The following CLCN7 variants were observed in gnomAD, a reference collection of about 807,000 sequenced individuals.
CLCN7 encodes Cl-/H+ antiporter 7.
A neutral mutation model predicts 102.1 loss-of-function variants in CLCN7; 60 were observed. That is an observed-to-expected ratio of 0.59 (90% confidence interval 0.48 to 0.73). CLCN7 has a LOEUF of 0.73. CLCN7 is among the 30% of genes least tolerant of loss of function. CLCN7 has a pLI of 0.00. For synonymous variants in CLCN7, 560 were observed against 490.5 expected (o/e 1.14, Z -1.87); for missense variants, 962 against 1,125.7 (o/e 0.85, Z 2.08).
Position 1,448,932 on chromosome 16 carries a change from G to A in CLCN7, c.1797+34C>T, listed in dbSNP as rs747018809. The stretch of plus-strand genomic sequence containing the variant: ...GCCCCTCCCCTATGGCAGCACCCAC[G>A]CTCTCAGGGTGAGGCTTCGAGGCCC... On this transcript the variant is annotated intron_variant, in intron 19 of 24. Transcript: ENST00000382745. 2.5e-6 allele frequency: 4 copies of A among 1,610,530 alleles called. No individual in the cohort carries two copies. In the Admixed American group the frequency reaches 5.0e-5, roughly 20 times the overall value.
At position 1,465,346 on chromosome 16, in the gene CLCN7, C is replaced by A; in HGVS notation, c.142-8G>T. On this transcript the variant is annotated splice_polypyrimidine_tract_variant and splice_region_variant and intron_variant, in intron 1 of 24. Transcript: ENST00000382745. ...AAGCGCAGAACGTGGTGACTAAAAG[C>A]AGAAGAGAAATCATGAGGGCGCTCA... The A allele has an allele frequency of 6.2e-7, 1 of 1,612,488 alleles. No homozygotes were observed. Among genetic ancestry groups the A allele is most frequent in the East Asian group, 2.2e-5 (1 of 44,844 alleles).
Position 1,447,691 on chromosome 16 carries a change from G to A in CLCN7, c.2037C>T (p.Ile679=), listed in dbSNP as rs1485208873. 1.3e-6 allele frequency: 2 copies of A among 1,556,794 alleles called. No homozygotes were observed. Among genetic ancestry groups the A allele is most frequent in the Non-Finnish European group, 1.7e-6 (2 of 1,150,758 alleles). The change falls in exon 22 of 25, where the codon ATC becomes ATT. Residue 679 remains isoleucine (I), a synonymous_variant. Coordinates refer to ENST00000382745, the MANE Select transcript of CLCN7 (RefSeq NM_001287.6). ...GGAGAACGATGAGCTGGGAGCGCAG[G>A]ATCAGGCCCTGGAGCCGGGCAGGCT... The part of the protein sequence containing the change: ...DTQPARLQGL[I]LRSQLIVLLK...
intron 17 of CLCN7, chr16:1,449,638 C>A: frequency 2.3e-6 from 1 of 439,662 alleles, no homozygotes; most frequent in Non-Finnish European, 4.2e-6. Context: ...AGTGAAACCC[C>A]GGCACACACG....
At chr16:1,447,895 G>A (rs1002395433) in intron 21 of CLCN7, among the ~76,000 whole-genome samples, 181 bp from the exon 22 acceptor site, 10 of 152,194 alleles carry the variant, frequency 6.6e-5, no homozygotes, top group Admixed American at 4.6e-4. Context: ...ACAATGCCAC[G>A]GGACCCAAGG....
At chr16:1,450,958 G>A (rs981488944) in intron 16 of CLCN7, among the ~76,000 whole-genome samples, 7 of 152,128 alleles carry the variant, frequency 4.6e-5, no homozygotes, top group African/African-American at 1.4e-4. Flanking sequence ...GCAGCGCCAG[G>A]TCTACACTCC....
Position 1,450,855 on chromosome 16 carries a change from C to G in CLCN7, c.1448-189G>C, listed in dbSNP as rs1371816411. ...TGGGAAGCAGAAAGGCTAAAAGGATCCCATGGGGAGGCCACAGGGGAAGAG... is the reference window on the plus strand; with the variant it reads ...TGGGAAGCAGAAAGGCTAAAAGGATGCCATGGGGAGGCCACAGGGGAAGAG... On this transcript the variant is annotated intron_variant, in intron 16 of 24. Transcript: ENST00000382745. Among the ~76,000 whole-genome samples the G allele has an allele frequency of 1.6e-5, 2 of 125,644 alleles. 1 individual carries two copies. The highest frequency in any genetic ancestry group is 6.2e-5 in the African/African-American group (2 of 32,410). 82.4% of individuals were successfully genotyped at this position (125,644 alleles called of 152,430 possible).
rs2038693826 is a variant in CLCN7, at chr16:1,448,691, G to A, written c.1873C>T (p.Leu625Phe). Residue 625 changes from leucine (L) to phenylalanine (F), a missense_variant, in exon 20 of 25, where the codon CTC becomes TTC. Transcript: ENST00000382745. ...HWEAPVTSHS[L>F]TAREVMSTPV... ...TCCTGGGCGCTGTACCTGGCAGTGAGTGAGTGTGAGGTGACCGGGGCCTCC... is the reference window on the plus strand; with the variant it reads ...TCCTGGGCGCTGTACCTGGCAGTGAATGAGTGTGAGGTGACCGGGGCCTCC... 1.2e-6 allele frequency: 2 copies of A among 1,612,738 alleles called. No homozygotes were observed. Among genetic ancestry groups the A allele is most frequent in the Non-Finnish European group, 1.7e-6 (2 of 1,179,960 alleles).
At chr16:1,455,326 T>G in intron 11 of CLCN7, 76 bp from the exon 12 acceptor site, 1 of 957,194 alleles carries the variant, frequency 1.0e-6, no homozygotes, top group Non-Finnish European at 1.7e-6. Context: ...GCAGGGACCA[T>G]CGCCCCTCCT....
Position 1,461,668 on chromosome 16 carries a change from C to A in CLCN7, c.220G>T (p.Asp74Tyr). ...TCCTTGGGGAAGGGATGTGGAGGGT[C>A]CATATCCTGTGGCAGAAAAAGGCAA... Reference protein sequence around the residue: ...LDDELLDPDMDPPHPFPKEIP... With the variant: ...LDDELLDPDMYPPHPFPKEIP... Residue 74 changes from aspartate to tyrosine, a missense_variant, in exon 3 of 25, where the codon GAC becomes TAC. Physicochemically the swap from Asp to Tyr is radical, Grantham distance 160. This residue lies in a region of CLCN7 where 163 missense variants were observed against 137.7 expected (regional missense o/e 1.18). Coordinates refer to ENST00000382745, the MANE Select transcript of CLCN7 (RefSeq NM_001287.6). 6.2e-7 allele frequency: 1 copy of A among 1,613,942 alleles called. No homozygotes were observed. The highest frequency in any genetic ancestry group is 8.5e-7 in the Non-Finnish European group (1 of 1,179,966).
Position 1,450,744 on chromosome 16 carries a change from G to A in CLCN7, c.1448-78C>T, listed in dbSNP as rs935742372. Reference sequence around the variant, plus strand: ...CTGCCCTGCCCCGCTGCCCAGTCTCGGGCCTCACAGTCACCTTCCAGGAGC... The same window carrying A: ...CTGCCCTGCCCCGCTGCCCAGTCTCAGGCCTCACAGTCACCTTCCAGGAGC... On this transcript the variant is annotated intron_variant, in intron 16 of 24. Coordinates refer to ENST00000382745, the MANE Select transcript of CLCN7 (RefSeq NM_001287.6). 1.4e-5 allele frequency: 18 copies of A among 1,288,826 alleles called. 1 individual carries two copies. The highest frequency in any genetic ancestry group is 1.3e-4 in the Admixed American group (5 of 38,694). 79.8% of individuals were successfully genotyped at this position (1,288,826 alleles called of 1,614,324 possible). A position where few individuals can be genotyped will look rare whatever the true frequency, so the allele number is the denominator to read the frequency against.
intron 1 of CLCN7, among the ~76,000 whole-genome samples, chr16:1,473,370 CTTTTTTTT>C (rs779736867): frequency 1.1e-3 from 86 of 76,702 alleles, no homozygotes; most frequent in African/African-American, 4.5e-3. Flanking sequence ...CCTTCCTAAA[CTTTTTTTT>C]TTTTTTTTTT....
At chr16:1,449,735 C>T (rs1013137349) in intron 17 of CLCN7, 1 of 259,360 alleles carries the variant, frequency 3.9e-6, no homozygotes, top group Non-Finnish European at 7.4e-6. Flanking sequence ...TCGGTGGGCA[C>T]AGGGTTTCCA....
rs780537814 is a variant in CLCN7, at chr16:1,460,510, C to G, written c.502G>C (p.Glu168Gln). The G allele has an allele frequency of 5.0e-6, 8 of 1,613,438 alleles. No individual in the cohort carries two copies. In the African/African-American group the frequency reaches 1.1e-4, roughly 22 times the overall value. Residue 168 changes from glutamate (E) to glutamine (Q), a missense_variant, in exon 6 of 25, where the codon GAG (glutamate) becomes CAG (glutamine). By Grantham distance (29) the Glu-to-Gln change is conservative (BLOSUM62 2). Coordinates refer to ENST00000382745, the MANE Select transcript of CLCN7 (RefSeq NM_001287.6). Reference sequence around the variant, plus strand: ...AGGGAGAAGGACAGTCCGCCCTTCTCTGTGAACTTGTCGATATCTGGGGCT... The same window carrying G: ...AGGGAGAAGGACAGTCCGCCCTTCTGTGTGAACTTGTCGATATCTGGGGCT... ...VIKGNIDKFT[E>Q]KGGLSFSLLL... is the part of the protein sequence containing the mutation.
rs1249374686 is a variant in CLCN7, at chr16:1,446,496, C to T, written c.*135G>A. 7.2e-6 allele frequency: 6 copies of T among 828,466 alleles called. No individual in the cohort carries two copies. The highest frequency in any genetic ancestry group is 1.2e-5 in the Non-Finnish European group (6 of 497,398). 51.3% of individuals were successfully genotyped at this position (828,466 alleles called of 1,614,324 possible). ...GGGTCAGTTCCGCGCCTGCCGCCTG[C>T]CCGCCCAGCTGCAGGGTGCTCGCCA... On this transcript the variant is annotated 3_prime_UTR_variant, in exon 25 of 25. Transcript: ENST00000382745.
In CLCN7 at chr16:1,459,198, G is replaced by A. The variant is rs754626366; in HGVS notation, c.595-11C>T. ...GCCAGCAGCCACCGGCTGAAAGAGG[G>A]GAAGCACGGCTGAGTGGGTCACGGC... On this transcript the variant is annotated splice_polypyrimidine_tract_variant and intron_variant, in intron 6 of 24. Coordinates refer to ENST00000382745, the MANE Select transcript of CLCN7 (RefSeq NM_001287.6). The A allele has an allele frequency of 4.3e-6, 7 of 1,612,400 alleles. No individual in the cohort carries two copies. Among genetic ancestry groups the A allele is most frequent in the South Asian group, 1.1e-5 (1 of 90,972 alleles).
chr16:1,446,811 A>C (rs2142364528), intron 24 of CLCN7, 94 bp from the exon 25 acceptor site: 1 of 1,252,022 alleles, frequency 8.0e-7, no homozygotes, highest in Non-Finnish European at 1.1e-6. Flanking sequence ...CAGCACAGGC[A>C]GGGGGCCCTG....
chr16:1,465,130 C>T lies in CLCN7; in HGVS notation c.213+137G>A, dbSNP rs1404053598. On this transcript the variant is annotated intron_variant, in intron 2 of 24. Coordinates refer to ENST00000382745, the MANE Select transcript of CLCN7 (RefSeq NM_001287.6). ...GCTCACTTGGCGTCAGGGACCATGT[C>T]CCCCCAAGGAAATCTTCCCTGAACC... is the stretch of plus-strand genomic sequence containing the variant. 9.2e-6 allele frequency: 7 copies of T among 760,754 alleles called. No homozygotes were observed. The Admixed American group carries it at 1.0e-4, about 11-fold the overall frequency. The allele number at this position is 760,754 out of a possible 1,614,324, so 47.1% of individuals were successfully genotyped here. A position where few individuals can be genotyped will look rare whatever the true frequency, so the allele number is the denominator to read the frequency against.
chr16:1,457,123 C>T lies in CLCN7; in HGVS notation c.822+131G>A. 1 of 873,928 alleles carries T rather than the reference C, an allele frequency of 1.1e-6. No homozygotes were observed. 54.1% of individuals were successfully genotyped at this position (873,928 alleles called of 1,614,324 possible). ...CTGTGCCCGCTGGCTCTGGGAGCCA[C>T]CCGCCAGGCTGTCCTCAGATGGGGC... On this transcript the variant is annotated intron_variant, in intron 9 of 24. Transcript: ENST00000382745. This position sits in a 1 kb window ranked among gnomAD's most constrained non-coding sequence, Gnocchi z 5.4.
chr16:1,455,869 G>A (rs2038827636), intron 10 of CLCN7, 74 bp from the exon 11 acceptor site: 1 of 1,525,140 alleles, frequency 6.6e-7, no homozygotes, highest in African/African-American at 1.4e-5. Flanking sequence ...CCCTCCCCCA[G>A]GCTCCAGGGA....
Sources: allele counts gnomAD v4.1 joint callset (sites outside exome capture counted in the v4.1 genomes callset), GRCh38; gene constraint gnomAD v4.1.1; regional missense constraint gnomAD v4.1.1; non-coding constraint Gnocchi (gnomAD v3.1); transcripts MANE v1.5; gene names NCBI Gene and HGNC (gene_info 2026-07-23, HGNC 2026-07-21).